Variants in AFG2A observed in about 807,000 individuals in gnomAD.
AFG2A encodes the protein ATPase family gene 2 protein homolog A.
the AFG2A span, among the ~76,000 whole-genome samples, chr4:123,103,844 G>A: frequency 1.3e-5 from 2 of 152,126 alleles, no homozygotes; most frequent in African/African-American, 4.8e-5. Context: ...TATATGCAAA[G>A]ATGGATAAAT....
chr4:123,161,187 G>T, the AFG2A span, among the ~76,000 whole-genome samples: 3 of 152,126 alleles, frequency 2.0e-5, no homozygotes, highest in Admixed American at 2.0e-4. Context: ...AATTTTTTTT[G>T]ATTGATTAGA....
At chr4:123,248,214 A>C in the AFG2A span, among the ~76,000 whole-genome samples, 1 of 152,306 alleles carries the variant, frequency 6.6e-6, no homozygotes, top group Middle Eastern at 3.4e-3. Context: ...CCCAGACTGA[A>C]GTAGTTTACA....
At chr4:123,106,244 AT>A in the AFG2A span, among the ~76,000 whole-genome samples, 1 of 152,112 alleles carries the variant, frequency 6.6e-6, no homozygotes, top group East Asian at 1.9e-4. Context: ...AGGTATATAT[AT>A]TTTTCCCCCA....
chr4:123,295,433 A>G, the AFG2A span, among the ~76,000 whole-genome samples: 1 of 152,268 alleles, frequency 6.6e-6, no homozygotes, highest in African/African-American at 2.4e-5. Flanking sequence ...CGAAAAGGGA[A>G]CAAAAGACTG....
the AFG2A span, among the ~76,000 whole-genome samples, chr4:123,065,713 A>C: frequency 6.6e-6 from 1 of 152,192 alleles, no homozygotes; most frequent in African/African-American, 2.4e-5. Context: ...GTTATAAGAT[A>C]CATCATTATT....
the AFG2A span, among the ~76,000 whole-genome samples, chr4:123,118,307 A>G: frequency 5.8e-4 from 42 of 71,854 alleles, 2 homozygotes; most frequent in Admixed American, 5.4e-3. Flanking sequence ...ATGTGTGTGT[A>G]TATATAATAT....
At chr4:123,180,084 G>T in the AFG2A span, among the ~76,000 whole-genome samples, 4 of 151,960 alleles carry the variant, frequency 2.6e-5, no homozygotes, top group Non-Finnish European at 4.4e-5. Context: ...GCTGGGCATG[G>T]TGGCAAGTGC....
chr4:123,219,857 A>T, the AFG2A span, among the ~76,000 whole-genome samples: 76 of 151,920 alleles, frequency 5.0e-4, no homozygotes, highest in South Asian at 2.1e-4. Flanking sequence ...ATTTAACTGT[A>T]ATGAGTTGAA....
At chr4:123,175,500 G>C in the AFG2A span, among the ~76,000 whole-genome samples, 1 of 152,154 alleles carries the variant, frequency 6.6e-6, no homozygotes, top group South Asian at 2.1e-4. Context: ...TCAAAATATA[G>C]GTGAGGATTT....
the AFG2A span, chr4:123,317,840 G>A: frequency 6.6e-6 from 1 of 152,152 alleles, no homozygotes; most frequent in African/African-American, 2.4e-5. Flanking sequence ...AAAATTTGAA[G>A]CATGAAAAAT....
chr4:123,166,406 T>C, the AFG2A span, among the ~76,000 whole-genome samples: 1 of 152,240 alleles, frequency 6.6e-6, no homozygotes, highest in Non-Finnish European at 1.5e-5. Context: ...GGCTTCCTTT[T>C]GCTCCTCAGA....
chr4:123,060,370 C>G, the AFG2A span, among the ~76,000 whole-genome samples: 1 of 152,246 alleles, frequency 6.6e-6, no homozygotes, highest in African/African-American at 2.4e-5. Flanking sequence ...CTCATAAGGG[C>G]CCTGCCCCTG....
the AFG2A span, among the ~76,000 whole-genome samples, chr4:123,276,770 T>G: frequency 2.6e-5 from 4 of 152,170 alleles, no homozygotes; most frequent in Non-Finnish European, 5.9e-5. Context: ...TTTGTTGACT[T>G]TGTCAAAACT....
chr4:123,242,604 T>C, the AFG2A span, among the ~76,000 whole-genome samples: 10 of 152,186 alleles, frequency 6.6e-5, no homozygotes, highest in Non-Finnish European at 1.5e-4. Flanking sequence ...TAATTCAAGA[T>C]GTATTAAAGA....
At chr4:123,002,455 T>G in the AFG2A span, among the ~76,000 whole-genome samples, 1 of 152,336 alleles carries the variant, frequency 6.6e-6, no homozygotes, top group East Asian at 1.9e-4. Context: ...GTTGTGCCTT[T>G]CCATGTTTAG....
At chr4:123,085,129 A>G in the AFG2A span, among the ~76,000 whole-genome samples, 1 of 152,226 alleles carries the variant, frequency 6.6e-6, no homozygotes, top group East Asian at 1.9e-4. Context: ...TATGGACAAG[A>G]ATGTGGTCTA....
the AFG2A span, among the ~76,000 whole-genome samples, chr4:123,141,056 GC>G: frequency 6.6e-6 from 1 of 152,046 alleles, no homozygotes; most frequent in Non-Finnish European, 1.5e-5. Flanking sequence ...GACATAACAG[GC>G]AAGGTCCACA....
chr4:122,928,641 A>AT, the AFG2A span, among the ~76,000 whole-genome samples: 8 of 152,088 alleles, frequency 5.3e-5, no homozygotes, highest in African/African-American at 1.9e-4. Context: ...GTCCCTCACT[A>AT]TTTCCTGGAT....
chr4:123,090,624 C>G, the AFG2A span: 1 of 1,614,154 alleles, frequency 6.2e-7, no homozygotes, highest in Non-Finnish European at 8.5e-7. Flanking sequence ...TGGCTCAGCT[C>G]TTAACAGAAA....
Sources: gnomAD v4.1 joint callset for allele counts (sites outside exome capture counted in the v4.1 genomes callset) on GRCh38, gnomAD v4.1.1 for gene constraint, MANE v1.5 for transcripts, NCBI Gene and HGNC (gene_info 2026-07-23, HGNC 2026-07-21) for gene names.